NRXN3: variants seen among roughly 807,000 people sequenced by gnomAD.
The protein encoded by NRXN3 is neurexin 3.
A neutral mutation model predicts 137.6 loss-of-function variants in NRXN3; 32 were observed. The ratio of observed to expected loss-of-function variants is 0.23; its 90% confidence interval spans 0.18 to 0.31. The LOEUF (loss-of-function observed/expected upper bound fraction) is 0.31. Ranked by LOEUF, NRXN3 falls within the 10% of genes least tolerant of loss-of-function variation. The pLI, the probability that NRXN3 is intolerant of heterozygous loss-of-function variation, is 1.00. For missense variants in NRXN3, 1,574 were observed against 2,062.5 expected (o/e 0.76, Z 4.59); for synonymous variants, 798 against 784.5 (o/e 1.02, Z -0.29).
intron 5 of NRXN3, among the ~76,000 whole-genome samples, chr14:78,650,214 A>G (rs2097727295): frequency 6.6e-6 from 1 of 151,724 alleles, no homozygotes; most frequent in East Asian, 1.9e-4. Context: ...GTAAGTGTGA[A>G]GTGGATTTTG....
At chr14:79,791,947 C>T (rs1051028096) in intron 19 of NRXN3, among the ~76,000 whole-genome samples, 1 of 152,172 alleles carries the variant, frequency 6.6e-6, no homozygotes, top group Non-Finnish European at 1.5e-5. Context: ...CCCTGCTACG[C>T]TGAAAGCACT....
chr14:79,732,034 A>G (rs910348002), intron 19 of NRXN3, among the ~76,000 whole-genome samples: 2 of 152,032 alleles, frequency 1.3e-5, no homozygotes, highest in African/African-American at 4.8e-5. Context: ...AGATATAGAA[A>G]TACAAAGTGA....
intron 16 of NRXN3, among the ~76,000 whole-genome samples, chr14:79,470,864 G>T (rs1439306010): frequency 1.3e-5 from 2 of 151,608 alleles, no homozygotes; most frequent in Non-Finnish European, 2.9e-5. Context: ...GTGTATATGT[G>T]TGTGTGTGTG....
rs530799077 is a variant in NRXN3, at chr14:79,419,557, A to T, written c.3263-47664A>T. Among the ~76,000 whole-genome samples, 4 of 152,268 alleles carry T rather than the reference A, an allele frequency of 2.6e-5. 1 individual carries two copies. The South Asian group carries it at 8.3e-4, about 32-fold the overall frequency. ...CATCCTTCTCATTTGTGCCCTTATT[A>T]GATGTCATCAAGAGTCTTGTGTGCC... On this transcript the variant is annotated intron_variant, in intron 15 of 20. Transcript: ENST00000335750.
chr14:79,306,215 G>A (rs2086036698), intron 15 of NRXN3, among the ~76,000 whole-genome samples: 1 of 152,022 alleles, frequency 6.6e-6, no homozygotes. Flanking sequence ...TGGCCCATAG[G>A]TGGGGGATAA....
chr14:79,549,335 C>T (rs2097351869), intron 16 of NRXN3, among the ~76,000 whole-genome samples: 1 of 152,058 alleles, frequency 6.6e-6, no homozygotes, highest in Admixed American at 6.5e-5. Context: ...GCTGTGTGAT[C>T]TTTGGCAGTT....
chr14:79,688,847 T>C (rs1293584093), intron 17 of NRXN3, among the ~76,000 whole-genome samples: 1 of 152,156 alleles, frequency 6.6e-6, no homozygotes, highest in African/African-American at 2.4e-5. Flanking sequence ...AGAGGCCAAA[T>C]GTATAATGTT....
intron 16 of NRXN3, among the ~76,000 whole-genome samples, chr14:79,542,491 T>G (rs1469791532): frequency 1.3e-5 from 2 of 152,184 alleles, no homozygotes; most frequent in African/African-American, 2.4e-5. Flanking sequence ...CGTATCTATT[T>G]TAAAGACAAG....
intron 4 of NRXN3, among the ~76,000 whole-genome samples, chr14:78,611,359 T>G (rs373824865): frequency 2.0e-5 from 3 of 152,208 alleles, no homozygotes; most frequent in East Asian, 3.9e-4. Flanking sequence ...AGTTTCTCCC[T>G]CCTCCTGGTT....
intron 15 of NRXN3, among the ~76,000 whole-genome samples, chr14:79,260,905 T>G (rs1472332974): frequency 6.6e-6 from 1 of 152,172 alleles, no homozygotes; most frequent in East Asian, 1.9e-4. Flanking sequence ...AATTTTAGGT[T>G]AGGATACCAA....
intron 15 of NRXN3, among the ~76,000 whole-genome samples, chr14:79,418,122 A>G (rs2095523953): frequency 6.6e-6 from 1 of 152,178 alleles, no homozygotes; most frequent in South Asian, 2.1e-4. Flanking sequence ...TTGTATTTGT[A>G]CATTTCTGAC....
chr14:79,106,452 T>C (rs1221805947), intron 15 of NRXN3, among the ~76,000 whole-genome samples: 3 of 151,880 alleles, frequency 2.0e-5, no homozygotes, highest in African/African-American at 7.3e-5. Context: ...AGGAAGACAC[T>C]GAACAGAATT....
At chr14:78,887,070 T>C (rs1220938181) in intron 10 of NRXN3, among the ~76,000 whole-genome samples, 1 of 152,158 alleles carries the variant, frequency 6.6e-6, no homozygotes, top group East Asian at 1.9e-4. Flanking sequence ...CTGTGTTCTT[T>C]CTGATGGCGA....
At chr14:78,593,016 A>G (rs551093156) in intron 4 of NRXN3, among the ~76,000 whole-genome samples, 70 of 152,280 alleles carry the variant, frequency 4.6e-4, no homozygotes, top group Admixed American at 1.9e-3. Flanking sequence ...ACAGGCACTG[A>G]ATGGAGGGAG....
intron 6 of NRXN3, among the ~76,000 whole-genome samples, chr14:78,652,968 A>C (rs1209293894): frequency 6.6e-6 from 1 of 152,196 alleles, no homozygotes; most frequent in African/African-American, 2.4e-5. Context: ...AGGAAACATA[A>C]ATTTTAGGTG....
chr14:78,234,450 C>T (rs896813012), intron 1 of NRXN3, among the ~76,000 whole-genome samples: 1 of 152,180 alleles, frequency 6.6e-6, no homozygotes, highest in Admixed American at 6.5e-5. Context: ...ACAACGGAGG[C>T]ATGGAGTGGA....
chr14:78,903,746 A>C (rs2099205461), intron 10 of NRXN3, among the ~76,000 whole-genome samples: 2 of 152,072 alleles, frequency 1.3e-5, no homozygotes, highest in Admixed American at 1.3e-4. Flanking sequence ...CCCTGGTGAC[A>C]TGTGACTAAT....
intron 8 of NRXN3, among the ~76,000 whole-genome samples, chr14:78,723,228 A>G (rs1045890060): frequency 6.6e-6 from 1 of 152,220 alleles, no homozygotes; most frequent in African/African-American, 2.4e-5. Context: ...GGAGACCAAC[A>G]GGTCAGCATA....
intron 4 of NRXN3, among the ~76,000 whole-genome samples, chr14:78,449,659 G>A (rs945658269): frequency 2.0e-5 from 3 of 152,182 alleles, no homozygotes; most frequent in South Asian, 4.1e-4. Flanking sequence ...AAGTTTTGGG[G>A]CATGAGCATT....
Sources: allele counts gnomAD v4.1 joint callset (sites outside exome capture counted in the v4.1 genomes callset), GRCh38; gene constraint gnomAD v4.1.1; transcripts MANE v1.5; gene names NCBI Gene and HGNC (gene_info 2026-07-23, HGNC 2026-07-21).